Variants in PRKCE observed in about 807,000 individuals in gnomAD.
The protein encoded by PRKCE is protein kinase C epsilon.
In PRKCE, 16 loss-of-function variants were observed where a neutral mutation model predicts 85.4. That is an observed-to-expected ratio of 0.19 (90% CI 0.13 to 0.28). The LOEUF is 0.28. PRKCE is among the 10% of genes least tolerant of loss of function. The pLI is 1.00. For missense variants in PRKCE, 573 were observed against 975.2 expected (o/e 0.59, Z 5.49); for synonymous variants, 388 against 371.5 (o/e 1.04, Z -0.51).
chr2:45,888,855 C>T (rs1347731030), intron 2 of PRKCE, among the ~76,000 whole-genome samples: 1 of 152,166 alleles, frequency 6.6e-6, no homozygotes, highest in African/African-American at 2.4e-5. Flanking sequence ...GGAATGTTTA[C>T]TGTCAAGATG....
At chr2:45,994,778 C>T (rs1313057037) in intron 6 of PRKCE, among the ~76,000 whole-genome samples, 1 of 152,188 alleles carries the variant, frequency 6.6e-6, no homozygotes, top group Non-Finnish European at 1.5e-5. Context: ...GAACATAACT[C>T]TTCACCTCAT....
At chr2:46,070,971 C>T (rs1002965647) in intron 10 of PRKCE, among the ~76,000 whole-genome samples, 2 of 152,136 alleles carry the variant, frequency 1.3e-5, no homozygotes, top group African/African-American at 4.8e-5. Flanking sequence ...CTCTCATTTG[C>T]CTTAGATTAT....
Position 45,943,842 on chromosome 2 carries a change from G to C in PRKCE, c.413-32587G>C, listed in dbSNP as rs968999680. ...CTGTGTCTGTGTTAAGTAAACAAAG[G>C]TGAATTTGGAGTGACCGCGCAGTGA... On this transcript the variant is annotated intron_variant, in intron 2 of 14. Transcript: ENST00000306156. Among the ~76,000 whole-genome samples the C allele has an allele frequency of 3.9e-5, 6 of 152,302 alleles. 1 individual carries two copies. The highest frequency in any genetic ancestry group is 8.8e-5 in the Non-Finnish European group (6 of 68,030).
At chr2:45,719,484 G>T (rs964701796) in intron 1 of PRKCE, among the ~76,000 whole-genome samples, 1 of 152,162 alleles carries the variant, frequency 6.6e-6, no homozygotes, top group African/African-American at 2.4e-5. Flanking sequence ...ACTGTTTGGG[G>T]CTCCTTCCCT....
chr2:45,926,906 C>A (rs1409944468), intron 2 of PRKCE, among the ~76,000 whole-genome samples: 1 of 151,288 alleles, frequency 6.6e-6, no homozygotes, highest in Non-Finnish European at 1.5e-5. Context: ...TGTATATGAA[C>A]ATGTGTGAGT....
intron 2 of PRKCE, among the ~76,000 whole-genome samples, chr2:45,870,577 T>G (rs1439507867): frequency 6.6e-6 from 1 of 152,202 alleles, no homozygotes; most frequent in Non-Finnish European, 1.5e-5. Context: ...CAGAGCAGAA[T>G]TTCAGCCCAT....
At chr2:46,093,278 A>G (rs906500414) in intron 11 of PRKCE, among the ~76,000 whole-genome samples, 1 of 152,218 alleles carries the variant, frequency 6.6e-6, no homozygotes, top group African/African-American at 2.4e-5. Flanking sequence ...CTTGGAAACC[A>G]AAATTGTGGA....
At chr2:45,755,394 T>C (rs189380867) in intron 1 of PRKCE, among the ~76,000 whole-genome samples, 10 of 152,306 alleles carry the variant, frequency 6.6e-5, no homozygotes, top group Non-Finnish European at 4.4e-5. Context: ...GAAATAAATC[T>C]GAGGTGGTCC....
chr2:46,076,947 A>G (rs961562992), intron 10 of PRKCE, among the ~76,000 whole-genome samples: 1 of 152,220 alleles, frequency 6.6e-6, no homozygotes, highest in African/African-American at 2.4e-5. Context: ...AGTCGAACTC[A>G]TAGAAGCAGA....
chr2:46,074,013 C>T (rs1214049624), intron 10 of PRKCE: 1 of 152,112 alleles, frequency 6.6e-6, no homozygotes, highest in Non-Finnish European at 1.5e-5. Context: ...GAGGGGGCAG[C>T]TTTTTTTCCC....
intron 11 of PRKCE, among the ~76,000 whole-genome samples, chr2:46,141,061 C>T (rs922358122): frequency 3.9e-5 from 6 of 152,104 alleles, no homozygotes; most frequent in Non-Finnish European, 5.9e-5. Context: ...AATTGTTCTT[C>T]CACCAAGAAG....
At chr2:46,025,574 G>A (rs1174501799) in intron 10 of PRKCE, among the ~76,000 whole-genome samples, 2 of 152,186 alleles carry the variant, frequency 1.3e-5, no homozygotes, top group Non-Finnish European at 2.9e-5. Flanking sequence ...AAGCGTTGAA[G>A]TGCCCCTTCC....
intron 2 of PRKCE, among the ~76,000 whole-genome samples, chr2:45,878,995 G>T (rs1240706343): frequency 6.6e-6 from 1 of 152,042 alleles, no homozygotes; most frequent in Non-Finnish European, 1.5e-5. Flanking sequence ...GACGGAAAAG[G>T]GCTGGGTCCC....
rs148684255 is a variant in PRKCE, at chr2:45,999,892, C to T, written c.824-1512C>T. Among the ~76,000 whole-genome samples the T allele has an allele frequency of 2.0e-3, 310 of 152,276 alleles. 1 individual carries two copies. Among genetic ancestry groups the T allele is most frequent in the Admixed American group, 4.5e-3 (69 of 15,302 alleles). On this transcript the variant is annotated intron_variant, in intron 6 of 14. Transcript: ENST00000306156. ...CAGCCATGTCTAGACTACTAATAAG[C>T]CCATCAGAAGCTTTCTTCATTTCTG...
At position 45,905,785 on chromosome 2, in the gene PRKCE, G is replaced by A. The variant is rs979257767; in HGVS notation, c.412+62722G>A. 2.6e-5 allele frequency among the ~76,000 whole-genome samples: 4 copies of A among 152,338 alleles called. No homozygotes were observed. Among genetic ancestry groups the A allele is most frequent in the Non-Finnish European group, 5.9e-5 (4 of 68,034 alleles). On this transcript the variant is annotated intron_variant, in intron 2 of 14. Transcript: ENST00000306156. This position sits in a 1 kb window ranked among gnomAD's most constrained non-coding sequence, Gnocchi z 4.4. Reference sequence around the variant, plus strand: ...TGCTCTTTATAGTCCCTGAACACACGTGTTGACCTGAACTGCTTACTCAAC... The same window carrying A: ...TGCTCTTTATAGTCCCTGAACACACATGTTGACCTGAACTGCTTACTCAAC...
chr2:46,003,457 A>G (rs763547454), intron 7 of PRKCE, among the ~76,000 whole-genome samples: 1 of 152,244 alleles, frequency 6.6e-6, no homozygotes, highest in Non-Finnish European at 1.5e-5. Flanking sequence ...ACAAATATCA[A>G]TATATCTGAA....
intron 11 of PRKCE, among the ~76,000 whole-genome samples, chr2:46,088,897 C>T (rs568266691): frequency 6.6e-6 from 1 of 152,312 alleles, no homozygotes; most frequent in South Asian, 2.1e-4. Context: ...GTATAACTGA[C>T]ACACCAACTC....
At chr2:46,091,735 G>A (rs1670191137) in intron 11 of PRKCE, among the ~76,000 whole-genome samples, 1 of 152,150 alleles carries the variant, frequency 6.6e-6, no homozygotes, top group Admixed American at 6.5e-5. Flanking sequence ...CTGCCACAGA[G>A]TAAGTACTCA....
chr2:45,731,447 A>G (rs1156735433), intron 1 of PRKCE, among the ~76,000 whole-genome samples: 1 of 152,046 alleles, frequency 6.6e-6, no homozygotes, highest in African/African-American at 2.4e-5. Context: ...GAGGTTTTTC[A>G]TTTACTGAGT....
Sources: gnomAD v4.1 joint callset for allele counts (sites outside exome capture counted in the v4.1 genomes callset) on GRCh38, gnomAD v4.1.1 for gene constraint, Gnocchi (gnomAD v3.1) non-coding constraint, MANE v1.5 for transcripts, NCBI Gene and HGNC (gene_info 2026-07-23, HGNC 2026-07-21) for gene names.